TOM1L2: variants seen among roughly 807,000 people sequenced by gnomAD.
TOM1L2 encodes the protein TOM1-like protein 2.
A neutral mutation model predicts 67.9 loss-of-function variants in TOM1L2; 31 were observed. The observed-to-expected ratio is 0.46, with a 90% CI of 0.34 to 0.62. The LOEUF (loss-of-function observed/expected upper bound fraction) is 0.62. Among genes scored for constraint, TOM1L2 ranks in the 20% least tolerant of loss-of-function variants. The pLI is 0.01. For synonymous variants in TOM1L2, 256 were observed against 254.0 expected (o/e 1.01, Z -0.07); for missense variants, 606 against 663.5 (o/e 0.91, Z 0.95).
At chr17:17,853,213 TAGAA>T (rs2036084140) in intron 12 of TOM1L2, among the ~76,000 whole-genome samples, 1 of 152,196 alleles carries the variant, frequency 6.6e-6, no homozygotes, top group African/African-American at 2.4e-5. Flanking sequence ...AACTGAAGCT[TAGAA>T]AGTCAGCAGC....
At chr17:17,868,539 A>G (rs1196313796) in intron 8 of TOM1L2, among the ~76,000 whole-genome samples, 2 of 152,194 alleles carry the variant, frequency 1.3e-5, no homozygotes, top group Admixed American at 6.5e-5. Flanking sequence ...CTCAAGCCTC[A>G]TCTTTAAGGG....
intron 12 of TOM1L2, among the ~76,000 whole-genome samples, chr17:17,856,601 T>C (rs777940466): frequency 3.3e-5 from 5 of 152,336 alleles, no homozygotes; most frequent in Middle Eastern, 3.4e-3. Flanking sequence ...CAGCCTAGCA[T>C]AGCACACTAT....
intron 1 of TOM1L2, among the ~76,000 whole-genome samples, chr17:17,913,928 T>C (rs1337283223): frequency 6.6e-6 from 1 of 152,162 alleles, no homozygotes; most frequent in Non-Finnish European, 1.5e-5. Context: ...TTCTTCTCCA[T>C]GAGAGTCTGT....
At chr17:17,896,974 G>C (rs908319957) in intron 3 of TOM1L2, among the ~76,000 whole-genome samples, 1 of 152,076 alleles carries the variant, frequency 6.6e-6, no homozygotes, top group East Asian at 1.9e-4. Context: ...GCAGCCCTGC[G>C]CATTTCACAG....
At chr17:17,933,637 T>G (rs924624918) in intron 1 of TOM1L2, among the ~76,000 whole-genome samples, 1 of 152,164 alleles carries the variant, frequency 6.6e-6, no homozygotes, top group Non-Finnish European at 1.5e-5. Context: ...ACAGTACTTA[T>G]GCAGAGGTCT....
Position 17,847,454 on chromosome 17 carries a change from A to T in TOM1L2, c.*181T>A. 1.3e-6 allele frequency: 1 copy of T among 749,984 alleles called. No homozygotes were observed. Among genetic ancestry groups the T allele is most frequent in the East Asian group, 2.8e-5 (1 of 35,730 alleles). The allele number at this position is 749,984 out of a possible 1,614,324, so 46.5% of individuals were successfully genotyped here. On this transcript the variant is annotated 3_prime_UTR_variant, in exon 15 of 15. Transcript: ENST00000379504. ...GCTGCAGTTGTCCCACCACTCAGAG[A>T]AAAGAAGTGGCTGAAGCTGGTCCTG...
chr17:17,892,194 A>T (rs2038322245), intron 4 of TOM1L2, among the ~76,000 whole-genome samples: 1 of 152,194 alleles, frequency 6.6e-6, no homozygotes, highest in African/African-American at 2.4e-5. Flanking sequence ...AAGACCTTTC[A>T]GGCAGAGGGA....
chr17:17,950,905 A>T (rs2144894664), intron 1 of TOM1L2, among the ~76,000 whole-genome samples: 1 of 152,288 alleles, frequency 6.6e-6, no homozygotes, highest in South Asian at 2.1e-4. Flanking sequence ...GCAGAGGGAA[A>T]AGAAAGATCA....
In TOM1L2 at chr17:17,944,734, G is replaced by A. The variant is rs949351270; in HGVS notation, c.52+27528C>T. ...GTGAAAAGCTGAACACAAACATGCCGACTAACAGGGAGCTATGGAAGCCTT... is the reference window on the plus strand; with the variant it reads ...GTGAAAAGCTGAACACAAACATGCCAACTAACAGGGAGCTATGGAAGCCTT... On this transcript the variant is annotated intron_variant, in intron 1 of 14. Transcript: ENST00000379504. Among the ~76,000 whole-genome samples the A allele has an allele frequency of 2.6e-5, 4 of 152,314 alleles. No homozygotes were observed. The East Asian group carries it at 5.8e-4, about 22-fold the overall frequency.
intron 4 of TOM1L2, among the ~76,000 whole-genome samples, chr17:17,889,538 G>A (rs146033716): frequency 1.8e-4 from 28 of 152,286 alleles, no homozygotes; most frequent in Non-Finnish European, 3.4e-4. Context: ...AGTGGGCTTT[G>A]GCCAGCAGCT....
At chr17:17,874,354 T>A (rs111809849) in intron 7 of TOM1L2, among the ~76,000 whole-genome samples, 3,713 of 152,054 alleles carry the variant, frequency 0.024, 134 homozygotes, top group African/African-American at 0.073. Flanking sequence ...CACTGCAACC[T>A]CCGCCTCCCA....
intron 1 of TOM1L2, among the ~76,000 whole-genome samples, chr17:17,953,360 T>G (rs2041290061): frequency 1.3e-5 from 2 of 152,226 alleles, no homozygotes; most frequent in South Asian, 4.1e-4. Flanking sequence ...CAGAGAGTCA[T>G]TCTGGTCCTT....
At chr17:17,887,802 G>A (rs1319689217) in intron 4 of TOM1L2, among the ~76,000 whole-genome samples, 1 of 152,112 alleles carries the variant, frequency 6.6e-6, no homozygotes, top group Non-Finnish European at 1.5e-5. Flanking sequence ...GGCAGACACC[G>A]AGTCTCTCAC....
At chr17:17,920,335 A>ATTTTTTTTTT (rs771122365) in intron 1 of TOM1L2, among the ~76,000 whole-genome samples, 1 of 93,250 alleles carries the variant, frequency 1.1e-5, no homozygotes, top group African/African-American at 4.8e-5. Flanking sequence ...AATGTTCAAT[A>ATTTTTTTTTT]TTTTTTTTTT....
intron 1 of TOM1L2, among the ~76,000 whole-genome samples, chr17:17,928,645 C>T (rs1323347187): frequency 6.6e-6 from 1 of 152,204 alleles, no homozygotes; most frequent in Non-Finnish European, 1.5e-5. Context: ...TCCTCACTTG[C>T]TGAGGCTCAT....
At chr17:17,954,174 C>T (rs955578872) in intron 1 of TOM1L2, among the ~76,000 whole-genome samples, 7 of 152,198 alleles carry the variant, frequency 4.6e-5, no homozygotes, top group African/African-American at 9.7e-5. Flanking sequence ...GGATGCTTTG[C>T]AGGGCCAAAG....
At chr17:17,940,216 A>AAAGG (rs1444808072) in intron 1 of TOM1L2, among the ~76,000 whole-genome samples, 2 of 151,328 alleles carry the variant, frequency 1.3e-5, no homozygotes, top group Non-Finnish European at 2.9e-5. Context: ...AAAAAAAAAA[A>AAAGG]AAGGAAGAAG....
chr17:17,851,211 G>A (rs756007896), intron 12 of TOM1L2: 14 of 513,066 alleles, frequency 2.7e-5, no homozygotes, highest in South Asian at 8.3e-5. Flanking sequence ...GTGGCTGTAC[G>A]CGTTCTTGAA....
At chr17:17,897,801 C>A (rs557359105) in intron 3 of TOM1L2, among the ~76,000 whole-genome samples, 2 of 152,258 alleles carry the variant, frequency 1.3e-5, no homozygotes, top group South Asian at 4.1e-4. Context: ...TCAGTTTCAT[C>A]ATCTGTACGG....
Sources: allele counts gnomAD v4.1 joint callset (sites outside exome capture counted in the v4.1 genomes callset), GRCh38; gene constraint gnomAD v4.1.1; transcripts MANE v1.5; gene names NCBI Gene and HGNC (gene_info 2026-07-23, HGNC 2026-07-21).